CCDC39: variants seen among roughly 807,000 people sequenced by gnomAD.
The protein encoded by CCDC39 is coiled-coil domain 39 molecular ruler complex subunit, also known as coiled-coil domain-containing protein 39.
In CCDC39, 113 loss-of-function variants were observed where a neutral mutation model predicts 121.0. That is an observed-to-expected ratio of 0.93 (90% CI 0.80 to 1.09). The LOEUF is 1.09. CCDC39 is among the 50% of genes least tolerant of loss of function. The probability of loss-of-function intolerance (pLI) is 0.00; values close to 1 mark genes in which losing one functional copy is unlikely to be tolerated. For missense variants in CCDC39, 1,063 were observed against 1,074.7 expected, an observed-to-expected ratio of 0.99 and a Z score of 0.15; for synonymous variants, 349 against 352.2, an observed-to-expected ratio of 0.99 and a Z score of 0.10.
chr3:180,641,849 A>G, intron 13 of CCDC39, 144 bp downstream of exon 13: 3 of 493,998 alleles, frequency 6.1e-6, no homozygotes, highest in Non-Finnish European at 7.1e-6. Context: ...TTATGGCTAT[A>G]ACATGCCCTA....
At chr3:180,617,302 C>T (rs1056890788) in intron 16 of CCDC39, 1 of 490,180 alleles carries the variant, frequency 2.0e-6, no homozygotes, top group Non-Finnish European at 3.6e-6. Flanking sequence ...ATGTACAGTG[C>T]ATAATACTTG....
Position 180,660,631 on chromosome 3 carries a change from T to G in CCDC39, c.455A>C (p.His152Pro), listed in dbSNP as rs370141610. Residue 152 changes from histidine (H) to proline (P), a missense_variant, in exon 4 of 20, where the codon CAT (histidine) becomes CCT (proline). Physicochemically the swap from His to Pro is moderately conservative, Grantham distance 77. Coordinates refer to ENST00000476379, the MANE Select transcript of CCDC39 (RefSeq NM_181426.2). ...ALEAWLEESA[H>P]KDSDALTLQK... is the part of the protein sequence containing the mutation. ...GAGAGTGAGAGCATCACTATCTTTA[T>G]GAGCTGATTCTTCTAACCAGGCCTC... 2.3e-5 allele frequency: 37 copies of G among 1,603,014 alleles called. No homozygotes were observed. In the African/African-American group the frequency reaches 2.5e-4, roughly 11 times the overall value.
intron 16 of CCDC39, 73 bp downstream of exon 16, chr3:180,619,186 G>A (rs1292985202): frequency 1.4e-6 from 1 of 736,300 alleles, no homozygotes; most frequent in Non-Finnish European, 2.4e-6. Context: ...GGAAGAGCAA[G>A]AGAATAGAAG....
chr3:180,619,666 G>GT, intron 15 of CCDC39, 145 bp downstream of exon 15: 2 of 573,760 alleles, frequency 3.5e-6, no homozygotes, highest in South Asian at 5.5e-5. Context: ...AAAAAATGTC[G>GT]TGGGGGGAGG....
intron 14 of CCDC39, among the ~76,000 whole-genome samples, chr3:180,625,978 G>A (rs1253807991): frequency 6.6e-6 from 1 of 152,044 alleles, no homozygotes; most frequent in Admixed American, 6.6e-5. Context: ...TTGCTCAGAT[G>A]TTGGTAGTGG....
chr3:180,660,635 C>G lies in CCDC39; in HGVS notation c.451G>C (p.Ala151Pro). The change falls in exon 4 of 20, where the codon GCT (alanine) becomes CCT (proline). Residue 151 changes from alanine (A) to proline (P), a missense_variant. Transcript: ENST00000476379. ...GTGAGAGCATCACTATCTTTATGAG[C>G]TGATTCTTCTAACCAGGCCTCCAAT... ...QALEAWLEES[A>P]HKDSDALTLQ... is the part of the protein sequence containing the mutation. The G allele has an allele frequency of 6.2e-7, 1 of 1,602,702 alleles. No individual in the cohort carries two copies. Among genetic ancestry groups the G allele is most frequent in the Non-Finnish European group, 8.5e-7 (1 of 1,173,622 alleles).
At chr3:180,626,835 C>T (rs1320273285) in intron 14 of CCDC39, among the ~76,000 whole-genome samples, 2 of 152,136 alleles carry the variant, frequency 1.3e-5, no homozygotes, top group African/African-American at 4.8e-5. Context: ...CTTGGTCACC[C>T]CTCTCCCACC....
In CCDC39 at chr3:180,616,282, T is replaced by C; in HGVS notation, c.2668A>G (p.Arg890Gly). The part of the protein sequence containing the change: ...RSPSHTSLSA[R>G]SSRSTSTSTS... ...ATTTTTTTTTAACCCTCCGCTTACC[T>C]TGCTGATAGTGAAGTATGTGAAGGA... is the stretch of plus-strand genomic sequence containing the variant. Residue 890 changes from arginine to glycine, a missense_variant and splice_region_variant, in exon 19 of 20, where the codon AGG (arginine) becomes GGG (glycine). By Grantham distance (125) the Arg-to-Gly change is moderately radical (BLOSUM62 -2). Coordinates refer to ENST00000476379, the MANE Select transcript of CCDC39 (RefSeq NM_181426.2). 1.9e-6 allele frequency: 3 copies of C among 1,613,044 alleles called. No homozygotes were observed. Among genetic ancestry groups the C allele is most frequent in the Non-Finnish European group, 2.5e-6 (3 of 1,179,266 alleles).
intron 14 of CCDC39, among the ~76,000 whole-genome samples, chr3:180,625,740 G>A (rs1717544152): frequency 6.6e-6 from 1 of 152,006 alleles, no homozygotes. Flanking sequence ...TTCTTAGGCA[G>A]TACACAGGTT....
chr3:180,641,900 C>A, intron 13 of CCDC39, 93 bp downstream of exon 13: 2 of 827,836 alleles, frequency 2.4e-6, no homozygotes, highest in South Asian at 4.7e-5. Context: ...TGAGTAAAAA[C>A]GATGCACATC....
intron 1 of CCDC39, among the ~76,000 whole-genome samples, chr3:180,676,879 A>C (rs1712226586): frequency 6.6e-6 from 1 of 151,846 alleles, no homozygotes. Flanking sequence ...TTCTTAGCAA[A>C]CTATTGCAAG....
chr3:180,617,515 G>A (rs1250918165), intron 16 of CCDC39: 1 of 662,406 alleles, frequency 1.5e-6, no homozygotes, highest in Non-Finnish European at 2.8e-6. Context: ...CTTCAAGTGG[G>A]ACAAGATATG....
Position 180,647,097 on chromosome 3 carries a change from T to A in CCDC39, c.1509A>T (p.Thr503=). 6.2e-7 allele frequency: 1 copy of A among 1,607,850 alleles called. No homozygotes were observed. The highest frequency in any genetic ancestry group is 8.5e-7 in the Non-Finnish European group (1 of 1,178,174). The part of the protein sequence containing the change: ...EKKSTCGLLE[T]QIKKLHNDLY... ...AAGTTACATGAAGCTTCTTGATCTG[T>A]GTTTCCAAAAGGCCACATGTAGATT... Residue 503 remains threonine (T), a synonymous_variant, in exon 11 of 20, where the codon ACA becomes ACT. Transcript: ENST00000476379.
At chr3:180,623,781 T>C (rs1382451059) in intron 14 of CCDC39, among the ~76,000 whole-genome samples, 2 of 152,136 alleles carry the variant, frequency 1.3e-5, no homozygotes, top group Non-Finnish European at 1.5e-5. Flanking sequence ...TTTCTGAGCA[T>C]TGATTGCCGG....
At chr3:180,677,599 T>C (rs1712272734) in intron 1 of CCDC39, among the ~76,000 whole-genome samples, 1 of 152,102 alleles carries the variant, frequency 6.6e-6, no homozygotes, top group Admixed American at 6.5e-5. Context: ...GGAATTTTTT[T>C]AGCAATCAGC....
intron 13 of CCDC39, among the ~76,000 whole-genome samples, chr3:180,638,755 C>G (rs1717889810): frequency 6.6e-6 from 1 of 151,926 alleles, no homozygotes. Context: ...ATTAAAGTTT[C>G]TTTTAAATCT....
At chr3:180,656,886 T>A (rs1309728698) in intron 6 of CCDC39, among the ~76,000 whole-genome samples, 2 of 152,200 alleles carry the variant, frequency 1.3e-5, no homozygotes, top group African/African-American at 4.8e-5. Context: ...CTATATGGTC[T>A]AAAAGGGGGA....
chr3:180,618,702 C>T (rs1040576060), intron 16 of CCDC39, among the ~76,000 whole-genome samples: 1 of 152,052 alleles, frequency 6.6e-6, no homozygotes, highest in African/African-American at 2.4e-5. Context: ...ATGATGGTTT[C>T]CAGCTTCATC....
chr3:180,662,733 T>A (rs1711773155), intron 2 of CCDC39, among the ~76,000 whole-genome samples: 1 of 152,220 alleles, frequency 6.6e-6, no homozygotes, highest in Non-Finnish European at 1.5e-5. Context: ...AATTACTCAA[T>A]CACATTGAGA....
Sources: gnomAD v4.1 joint callset for allele counts (sites outside exome capture counted in the v4.1 genomes callset) on GRCh38, gnomAD v4.1.1 for gene constraint, MANE v1.5 for transcripts, NCBI Gene and HGNC (gene_info 2026-07-23, HGNC 2026-07-21) for gene names.